DPY19L3: variants seen among roughly 807,000 people sequenced by gnomAD.
DPY19L3 encodes the protein dpy-19 like C-mannosyltransferase 3, also known as protein C-mannosyl-transferase DPY19L3.
A neutral mutation model predicts 92.3 loss-of-function variants in DPY19L3; 51 were observed. That is an observed-to-expected ratio of 0.55 (90% confidence interval 0.44 to 0.70). The LOEUF is 0.70. DPY19L3 is among the 30% of genes least tolerant of loss of function. The probability of loss-of-function intolerance (pLI) is 0.00; values close to 1 mark genes in which losing one functional copy is unlikely to be tolerated. For synonymous variants in DPY19L3, 309 were observed against 315.2 expected, an observed-to-expected ratio of 0.98 and a Z score of 0.21; for missense variants, 706 against 855.9, an observed-to-expected ratio of 0.82 and a Z score of 2.18.
At chr19:32,454,467 G>A (rs1003776960) in intron 9 of DPY19L3, among the ~76,000 whole-genome samples, 51 of 152,216 alleles carry the variant, frequency 3.4e-4, no homozygotes, top group African/African-American at 1.2e-3. Flanking sequence ...CCAGCTACTC[G>A]GGAGGCTGAG....
intron 1 of DPY19L3, among the ~76,000 whole-genome samples, chr19:32,406,848 C>G (rs1018089098): frequency 5.9e-5 from 9 of 152,122 alleles, no homozygotes; most frequent in Admixed American, 1.3e-4. Flanking sequence ...TAAAAAAGTC[C>G]TCTCACACTT....
chr19:32,481,999 C>T, intron 18 of DPY19L3, 80 bp from the exon 19 acceptor site: 1 of 1,491,072 alleles, frequency 6.7e-7, no homozygotes, highest in Non-Finnish European at 9.1e-7. Flanking sequence ...TTCTTAAACC[C>T]AATACCCATT....
chr19:32,427,782 T>C (rs1968814622), intron 3 of DPY19L3, among the ~76,000 whole-genome samples: 1 of 152,110 alleles, frequency 6.6e-6, no homozygotes. Context: ...GCCATAAATA[T>C]GTTTGCTGAG....
intron 16 of DPY19L3, among the ~76,000 whole-genome samples, chr19:32,476,635 T>G (rs977572304): frequency 3.3e-5 from 5 of 152,070 alleles, no homozygotes; most frequent in African/African-American, 1.2e-4. Flanking sequence ...TGGGAGTCTT[T>G]TCTTGGTCCC....
At chr19:32,445,336 T>C (rs751466484) in intron 8 of DPY19L3, among the ~76,000 whole-genome samples, 2 of 146,924 alleles carry the variant, frequency 1.4e-5, no homozygotes, top group Admixed American at 7.1e-5. Context: ...AGCTACTTGG[T>C]AGGCTGAGGC....
At chr19:32,445,247 C>T (rs1414641867) in intron 8 of DPY19L3, among the ~76,000 whole-genome samples, 1 of 151,396 alleles carries the variant, frequency 6.6e-6, no homozygotes, top group African/African-American at 2.4e-5. Context: ...AGAGACCATC[C>T]TGGCTAACAT....
At position 32,472,122 on chromosome 19, in the gene DPY19L3, G is replaced by T. The variant is rs537405886; in HGVS notation, c.1697+3309G>T. 2.6e-5 allele frequency among the ~76,000 whole-genome samples: 4 copies of T among 152,202 alleles called. No individual in the cohort carries two copies. The East Asian group carries it at 7.7e-4, about 29-fold the overall frequency. On this transcript the variant is annotated intron_variant, in intron 16 of 18. Coordinates refer to ENST00000392250, the MANE Select transcript of DPY19L3 (RefSeq NM_001172774.2). ...TCGACTCCATTTTAAGATCTTCAGT[G>T]GCTTAGCAAGTTCAGTGGGAAAGTT... is the stretch of plus-strand genomic sequence containing the variant.
At chr19:32,474,599 C>A (rs1970451401) in intron 16 of DPY19L3, among the ~76,000 whole-genome samples, 1 of 151,390 alleles carries the variant, frequency 6.6e-6, no homozygotes, top group Non-Finnish European at 1.5e-5. Context: ...AAGCTTTTTT[C>A]TTTTTTTTTG....
intron 10 of DPY19L3, among the ~76,000 whole-genome samples, chr19:32,456,074 A>G (rs559497430): frequency 3.0e-5 from 4 of 131,768 alleles, no homozygotes; most frequent in Non-Finnish European, 6.3e-5. Context: ...CTATGTCACT[A>G]TGTTCTTTTT....
intron 17 of DPY19L3, among the ~76,000 whole-genome samples, chr19:32,478,672 T>C (rs1303901158): frequency 1.3e-5 from 2 of 152,260 alleles, no homozygotes; most frequent in African/African-American, 4.8e-5. Context: ...TTCTACATTC[T>C]GCTTCTTCGG....
chr19:32,448,551 T>C (rs1391630966), intron 8 of DPY19L3, among the ~76,000 whole-genome samples: 1 of 152,198 alleles, frequency 6.6e-6, no homozygotes, highest in East Asian at 1.9e-4. Flanking sequence ...ACTATATTCT[T>C]ATTATAAAGT....
At chr19:32,415,776 A>G (rs1481304878) in intron 3 of DPY19L3, among the ~76,000 whole-genome samples, 1 of 152,212 alleles carries the variant, frequency 6.6e-6, no homozygotes, top group African/African-American at 2.4e-5. Flanking sequence ...CCCTGGGAAT[A>G]AAGCATTGAA....
At position 32,463,967 on chromosome 19, in the gene DPY19L3, A is replaced by G. The variant is rs773145703; in HGVS notation, c.1544A>G (p.Tyr515Cys). The change falls in exon 14 of 19, where the codon TAT becomes TGT. Residue 515 changes from tyrosine (Y) to cysteine (C), a missense_variant. Transcript: ENST00000392250. Reference protein sequence around the residue: ...WELLLKSVHLYNPKRICIMRY... With the variant: ...WELLLKSVHLCNPKRICIMRY... ...TTACTTCTGAAGTCAGTCCATCTTT[A>G]TAACCCAAAGAGGGTCAGTGTCATC... 1.2e-6 allele frequency: 2 copies of G among 1,611,994 alleles called. No individual in the cohort carries two copies. The highest frequency in any genetic ancestry group is 3.3e-5 in the Admixed American group (2 of 59,940).
chr19:32,453,427 T>C, intron 9 of DPY19L3, 151 bp downstream of exon 9: 1 of 751,884 alleles, frequency 1.3e-6, no homozygotes, highest in Non-Finnish European at 2.0e-6. Context: ...TTCTTGTGCA[T>C]GTGGTAGCAT....
rs1968166046 is a variant in DPY19L3, at chr19:32,411,145, G to A, written c.104-94G>A. 1.6e-5 allele frequency: 21 copies of A among 1,349,730 alleles called. No homozygotes were observed. The South Asian group carries it at 2.1e-4, about 14-fold the overall frequency. 83.6% of individuals were successfully genotyped at this position (1,349,730 alleles called of 1,614,324 possible). Reference sequence around the variant, plus strand: ...GGAAAAGCTTTCCCAGTGACAGGCAGCTAGACTTAGCTTACTTGATAATCT... The same window carrying A: ...GGAAAAGCTTTCCCAGTGACAGGCAACTAGACTTAGCTTACTTGATAATCT... On this transcript the variant is annotated intron_variant, in intron 2 of 18. Transcript: ENST00000392250.
At chr19:32,454,720 C>T (rs1969812080) in intron 9 of DPY19L3, among the ~76,000 whole-genome samples, 1 of 152,154 alleles carries the variant, frequency 6.6e-6, no homozygotes, top group Non-Finnish European at 1.5e-5. Context: ...ATTTCCTCAT[C>T]GTATGAAGCT....
intron 4 of DPY19L3, among the ~76,000 whole-genome samples, chr19:32,434,376 C>T (rs1969068238): frequency 6.6e-6 from 1 of 152,078 alleles, no homozygotes; most frequent in African/African-American, 2.4e-5. Context: ...ATCCTCTGAG[C>T]CTGGGCGCAG....
intron 9 of DPY19L3, among the ~76,000 whole-genome samples, chr19:32,453,891 A>C (rs1030432774): frequency 6.6e-6 from 1 of 152,118 alleles, no homozygotes; most frequent in African/African-American, 2.4e-5. Flanking sequence ...TTATATTTAC[A>C]TAAGATATGA....
intron 16 of DPY19L3, among the ~76,000 whole-genome samples, chr19:32,472,723 A>G (rs908796221): frequency 6.6e-6 from 1 of 152,128 alleles, no homozygotes; most frequent in Non-Finnish European, 1.5e-5. Flanking sequence ...TTCTTCTGAC[A>G]TTTTGCAAAT....
Sources: gnomAD v4.1 joint callset for allele counts (sites outside exome capture counted in the v4.1 genomes callset) on GRCh38, gnomAD v4.1.1 for gene constraint, MANE v1.5 for transcripts, NCBI Gene and HGNC (gene_info 2026-07-23, HGNC 2026-07-21) for gene names.